Variants in IGFL2 observed in about 807,000 individuals in gnomAD.
The protein encoded by IGFL2 is insulin growth factor-like family member 2.
In IGFL2, 7 loss-of-function variants were observed where a neutral mutation model predicts 13.9. The observed-to-expected ratio is 0.51, with a 90% CI of 0.29 to 0.95. IGFL2 has a LOEUF of 0.95. Ranked by LOEUF, IGFL2 falls within the 40% of genes least tolerant of loss-of-function variation. IGFL2 has a pLI of 0.08. For synonymous variants in IGFL2, 55 were observed against 55.8 expected, an observed-to-expected ratio of 0.99 and a Z score of 0.07; for missense variants, 138 against 147.8, an observed-to-expected ratio of 0.93 and a Z score of 0.34.
chr19:46,140,273 A>G (rs945124096), upstream of IGFL2, among the ~76,000 whole-genome samples: 1 of 150,808 alleles, frequency 6.6e-6, no homozygotes, highest in Non-Finnish European at 1.5e-5. Context: ...ATATATCTCA[A>G]AATGGTAGAA....
chr19:46,127,765 C>G, the IGFL2 span, among the ~76,000 whole-genome samples: 2 of 152,098 alleles, frequency 1.3e-5, no homozygotes, highest in South Asian at 4.1e-4. Flanking sequence ...ACTAATTTTA[C>G]TTTTTTAAAA....
chr19:46,172,922 G>A, the IGFL2 span, among the ~76,000 whole-genome samples: 1 of 152,152 alleles, frequency 6.6e-6, no homozygotes, highest in East Asian at 1.9e-4. Flanking sequence ...TCTGCTTTTT[G>A]TCTCAGTGCC....
upstream of IGFL2, among the ~76,000 whole-genome samples, chr19:46,138,527 T>C (rs1343902094): frequency 1.3e-5 from 2 of 152,168 alleles, no homozygotes; most frequent in Non-Finnish European, 2.9e-5. Context: ...AGCATTGATG[T>C]CTGTGTGCAT....
At chr19:46,132,933 A>C in the IGFL2 span, among the ~76,000 whole-genome samples, 1 of 152,104 alleles carries the variant, frequency 6.6e-6, no homozygotes, top group African/African-American at 2.4e-5. Context: ...CAAACCACTA[A>C]GGATTAGGAG....
At chr19:46,162,643 C>G (rs1974218430), downstream of IGFL2, among the ~76,000 whole-genome samples, 1 of 152,198 alleles carries the variant, frequency 6.6e-6, no homozygotes, top group Non-Finnish European at 1.5e-5. Flanking sequence ...TCAGCTCTGC[C>G]AGACCTGTTA....
the IGFL2 span, among the ~76,000 whole-genome samples, chr19:46,126,744 G>GT: frequency 6.6e-6 from 1 of 152,120 alleles, no homozygotes; most frequent in African/African-American, 2.4e-5. Context: ...TAAAATGACA[G>GT]TTACACTCAA....
chr19:46,128,124 T>C, the IGFL2 span, among the ~76,000 whole-genome samples: 1 of 152,148 alleles, frequency 6.6e-6, no homozygotes. Flanking sequence ...TTGGCTTTAC[T>C]GTTGTTGGTG....
upstream of IGFL2, among the ~76,000 whole-genome samples, chr19:46,143,533 T>G (rs112412141): frequency 5.4e-3 from 823 of 152,084 alleles, 11 homozygotes; most frequent in African/African-American, 0.019. Flanking sequence ...CCCAAAGTAC[T>G]GGGACTATAG....
chr19:46,188,066 T>A, the IGFL2 span, among the ~76,000 whole-genome samples: 1 of 152,196 alleles, frequency 6.6e-6, no homozygotes, highest in South Asian at 2.1e-4. Flanking sequence ...TATAAATAAT[T>A]CCCACATTCT....
chr19:46,164,530 T>C (rs905751983), downstream of IGFL2: 7 of 152,270 alleles, frequency 4.6e-5, no homozygotes, highest in Admixed American at 1.3e-4. Flanking sequence ...GAGGCCCCAG[T>C]TGATCACCTG....
chr19:46,119,403 G>A, the IGFL2 span, among the ~76,000 whole-genome samples: 2 of 152,142 alleles, frequency 1.3e-5, no homozygotes, highest in African/African-American at 2.4e-5. Context: ...CCCACACACA[G>A]GGATCATCGT....
At chr19:46,104,770 C>A in the IGFL2 span, among the ~76,000 whole-genome samples, 25 of 152,246 alleles carry the variant, frequency 1.6e-4, no homozygotes, top group African/African-American at 5.8e-4. Context: ...GGATAGATTT[C>A]CACGATGGAA....
At chr19:46,171,126 C>T in the IGFL2 span, among the ~76,000 whole-genome samples, 3 of 152,238 alleles carry the variant, frequency 2.0e-5, no homozygotes, top group East Asian at 3.9e-4. Context: ...ATGGAACCTG[C>T]CGACCTGTGA....
chr19:46,108,337 T>C, the IGFL2 span, among the ~76,000 whole-genome samples: 1 of 152,178 alleles, frequency 6.6e-6, no homozygotes, highest in Non-Finnish European at 1.5e-5. Context: ...CGTTTGCCCA[T>C]TTTTTGACAA....
chr19:46,110,958 A>T, the IGFL2 span: 1 of 152,118 alleles, frequency 6.6e-6, no homozygotes, highest in Non-Finnish European at 1.5e-5. Flanking sequence ...TTATTTTTTT[A>T]AAATATGGTG....
chr19:46,100,483 G>T, the IGFL2 span, among the ~76,000 whole-genome samples: 1 of 152,224 alleles, frequency 6.6e-6, no homozygotes, highest in South Asian at 2.1e-4. Context: ...TACATACAAG[G>T]ACATAAAAGG....
intron 1 of IGFL2, chr19:46,149,162 T>C (rs1050789860): frequency 3.2e-5 from 17 of 529,502 alleles, no homozygotes; most frequent in South Asian, 2.4e-4. Flanking sequence ...CTCTCTCTCT[T>C]CTCTCTCTCT....
the IGFL2 span, among the ~76,000 whole-genome samples, chr19:46,125,013 A>G: frequency 7.1e-6 from 1 of 141,152 alleles, no homozygotes; most frequent in African/African-American, 2.8e-5. Flanking sequence ...GACAGTGCCC[A>G]ACTAAGCTCC....
At chr19:46,210,188 G>A in the IGFL2 span, 1 of 152,220 alleles carries the variant, frequency 6.6e-6, no homozygotes, top group Non-Finnish European at 1.5e-5. Flanking sequence ...CATGGTAAGA[G>A]CGTGGCAGAT....
Sources: gnomAD v4.1 joint callset for allele counts (sites outside exome capture counted in the v4.1 genomes callset) on GRCh38, gnomAD v4.1.1 for gene constraint, MANE v1.5 for transcripts, NCBI Gene and HGNC (gene_info 2026-07-23, HGNC 2026-07-21) for gene names.